LYPLAL1: variants seen among roughly 807,000 people sequenced by gnomAD.
The protein encoded by LYPLAL1 is lysophospholipase-like protein 1.
LYPLAL1 carries 23 observed loss-of-function variants against 19.7 expected under a neutral mutation model. That is an observed-to-expected ratio of 1.17 (90% CI 0.84 to 1.65). The LOEUF (loss-of-function observed/expected upper bound fraction) is 1.65, where lower values mean the gene tolerates loss of function less well. LYPLAL1 is among the 40% of genes most tolerant of loss of function. The pLI, the probability that LYPLAL1 is intolerant of heterozygous loss-of-function variation, is 0.00. For missense variants in LYPLAL1, 355 were observed against 279.4 expected, an observed-to-expected ratio of 1.27 and a Z score of -1.93; for synonymous variants, 119 against 96.3, an observed-to-expected ratio of 1.24 and a Z score of -1.38.
the LYPLAL1 span, among the ~76,000 whole-genome samples, chr1:219,413,859 T>C: frequency 2.6e-5 from 4 of 152,228 alleles, no homozygotes; most frequent in Non-Finnish European, 5.9e-5. Context: ...TTATGTAACC[T>C]TTGGTAGAAG....
the LYPLAL1 span, among the ~76,000 whole-genome samples, chr1:219,378,786 TA>T: frequency 6.6e-6 from 1 of 152,000 alleles, no homozygotes; most frequent in African/African-American, 2.4e-5. Flanking sequence ...CAAAGGGTTA[TA>T]AAGGCTGAGG....
At chr1:219,394,447 T>A in the LYPLAL1 span, among the ~76,000 whole-genome samples, 5 of 152,170 alleles carry the variant, frequency 3.3e-5, no homozygotes, top group Admixed American at 6.5e-5. Context: ...TCTTTCATCT[T>A]CCAAATGGAA....
the LYPLAL1 span, among the ~76,000 whole-genome samples, chr1:219,399,860 G>A: frequency 6.6e-6 from 1 of 152,124 alleles, no homozygotes; most frequent in Non-Finnish European, 1.5e-5. Flanking sequence ...AGCAAGTTAA[G>A]CCCAGGGGTT....
chr1:219,216,871 T>G (rs1421784186), downstream of LYPLAL1, among the ~76,000 whole-genome samples: 2 of 152,134 alleles, frequency 1.3e-5, no homozygotes, highest in East Asian at 3.9e-4. Flanking sequence ...CTCATTTGTC[T>G]TCCTTTCTTA....
chr1:219,269,487 AG>A, the LYPLAL1 span, among the ~76,000 whole-genome samples: 2,457 of 152,324 alleles, frequency 0.016, 18 homozygotes, highest in Non-Finnish European at 0.023. Flanking sequence ...CTTATTCAGA[AG>A]GGGTAAATAG....
At chr1:219,316,790 TC>T in the LYPLAL1 span, among the ~76,000 whole-genome samples, 9 of 152,114 alleles carry the variant, frequency 5.9e-5, no homozygotes, top group Admixed American at 1.3e-4. Context: ...AATAAGCCAG[TC>T]GCAAAAAGGC....
At chr1:219,227,142 A>T in the LYPLAL1 span, among the ~76,000 whole-genome samples, 1 of 152,244 alleles carries the variant, frequency 6.6e-6, no homozygotes, top group Non-Finnish European at 1.5e-5. Context: ...ATGAACATTT[A>T]TTGAACATTA....
downstream of LYPLAL1, among the ~76,000 whole-genome samples, chr1:219,217,640 G>A (rs1046049261): frequency 6.6e-6 from 1 of 152,030 alleles, no homozygotes; most frequent in Non-Finnish European, 1.5e-5. Context: ...GATGGTGATT[G>A]CCCACATATG....
At chr1:219,393,411 T>C in the LYPLAL1 span, among the ~76,000 whole-genome samples, 2 of 152,088 alleles carry the variant, frequency 1.3e-5, no homozygotes, top group Non-Finnish European at 2.9e-5. Flanking sequence ...GATCCAGATA[T>C]GCCCTGCCCT....
the LYPLAL1 span, among the ~76,000 whole-genome samples, chr1:219,310,019 A>C: frequency 6.6e-5 from 10 of 152,320 alleles, no homozygotes; most frequent in African/African-American, 2.4e-4. Context: ...AAAATTTAGC[A>C]TTTAAAAGGT....
the LYPLAL1 span, among the ~76,000 whole-genome samples, chr1:219,315,108 A>G: frequency 6.6e-6 from 1 of 152,190 alleles, no homozygotes; most frequent in African/African-American, 2.4e-5. Context: ...AATGAGAAAT[A>G]TAATAGATAT....
At chr1:219,370,909 A>G in the LYPLAL1 span, among the ~76,000 whole-genome samples, 1 of 152,186 alleles carries the variant, frequency 6.6e-6, no homozygotes, top group East Asian at 1.9e-4. Context: ...GCGCTGAGAC[A>G]GTAACCCTTC....
chr1:219,385,371 A>G, the LYPLAL1 span, among the ~76,000 whole-genome samples: 1 of 152,166 alleles, frequency 6.6e-6, no homozygotes, highest in Non-Finnish European at 1.5e-5. Context: ...CACTCAAAAA[A>G]TTGTTCAAAA....
chr1:219,258,533 C>G, the LYPLAL1 span, among the ~76,000 whole-genome samples: 1 of 151,972 alleles, frequency 6.6e-6, no homozygotes, highest in Admixed American at 6.6e-5. Flanking sequence ...TAAGGTATAT[C>G]TTTTGTAGGC....
At chr1:219,373,511 C>T in the LYPLAL1 span, among the ~76,000 whole-genome samples, 3 of 152,158 alleles carry the variant, frequency 2.0e-5, no homozygotes, top group Non-Finnish European at 4.4e-5. Context: ...CTAATTATGA[C>T]TCTCTCCAGT....
chr1:219,439,423 A>G, the LYPLAL1 span, among the ~76,000 whole-genome samples: 1 of 152,172 alleles, frequency 6.6e-6, no homozygotes, highest in Non-Finnish European at 1.5e-5. Context: ...TGCCTCTTCC[A>G]TGATACGTTA....
the LYPLAL1 span, among the ~76,000 whole-genome samples, chr1:219,228,169 G>T: frequency 6.6e-6 from 1 of 152,122 alleles, no homozygotes; most frequent in African/African-American, 2.4e-5. Context: ...TTCCCTAAAG[G>T]GTCCCGTAAG....
At chr1:219,278,678 A>AAACAACAACAACAACAACAAC in the LYPLAL1 span, among the ~76,000 whole-genome samples, 28 of 150,744 alleles carry the variant, frequency 1.9e-4, no homozygotes, top group South Asian at 1.7e-3. Flanking sequence ...AAAAATCACT[A>AAACAACAACAACAACAACAAC]AACAACAACA....
the LYPLAL1 span, among the ~76,000 whole-genome samples, chr1:219,289,818 CAT>C: frequency 6.6e-6 from 1 of 152,206 alleles, no homozygotes; most frequent in Non-Finnish European, 1.5e-5. Flanking sequence ...TCAAAGATGA[CAT>C]AATTAAGTGA....
Sources: gnomAD v4.1 joint callset for allele counts (sites outside exome capture counted in the v4.1 genomes callset) on GRCh38, gnomAD v4.1.1 for gene constraint, MANE v1.5 for transcripts, NCBI Gene and HGNC (gene_info 2026-07-23, HGNC 2026-07-21) for gene names.